AVEN: variants seen among roughly 807,000 people sequenced by gnomAD.
AVEN encodes the protein cell death regulator Aven.
Under a neutral mutation model 38.1 loss-of-function variants are expected in AVEN, and 41 were observed. That is an observed-to-expected ratio of 1.08 (90% CI 0.84 to 1.40). The LOEUF (loss-of-function observed/expected upper bound fraction) is 1.40, where lower values mean the gene tolerates loss of function less well. AVEN is among the 40% of genes most tolerant of loss of function. The pLI is 0.00. For synonymous variants in AVEN, 206 were observed against 171.8 expected (o/e 1.20, Z -1.56); for missense variants, 605 against 438.8 (o/e 1.38, Z -3.38).
At chr15:33,938,684 A>G (rs16958366) in intron 2 of AVEN, among the ~76,000 whole-genome samples, 89,828 of 152,008 alleles carry the variant, frequency 0.59, 28,851 homozygotes, top group East Asian at 0.76. Flanking sequence ...TCAAAATGCC[A>G]AACTGGTCAA....
chr15:33,977,217 A>G (rs548005718), intron 2 of AVEN, among the ~76,000 whole-genome samples: 2 of 152,322 alleles, frequency 1.3e-5, no homozygotes, highest in South Asian at 4.1e-4. Flanking sequence ...AAAAAGCTGG[A>G]GTTCTTACAT....
At chr15:33,862,409 A>G (rs1223207806), downstream of AVEN, among the ~76,000 whole-genome samples, 1 of 150,706 alleles carries the variant, frequency 6.6e-6, no homozygotes. Context: ...GCTTTGCTGT[A>G]TTGCCCAGGC....
At chr15:34,036,350 C>T (rs1899124811) in intron 1 of AVEN, among the ~76,000 whole-genome samples, 2 of 151,964 alleles carry the variant, frequency 1.3e-5, no homozygotes, top group Admixed American at 1.3e-4. Flanking sequence ...ATGCAGTGGT[C>T]CAAAATAGAA....
Position 34,002,971 on chromosome 15 carries a change from T to C in AVEN, c.445+61A>G. On this transcript the variant is annotated intron_variant, in intron 2 of 5. Transcript: ENST00000306730. ...TATAAAAGTAGAATTTAAAAACATA[T>C]ATAAAATGTCTGTGCAACTTTCAGA... is the stretch of plus-strand genomic sequence containing the variant. 5 of 1,384,996 alleles carry C rather than the reference T, an allele frequency of 3.6e-6. No individual in the cohort carries two copies. In the South Asian group the frequency reaches 4.3e-5, roughly 12 times the overall value. 85.8% of individuals were successfully genotyped at this position (1,384,996 alleles called of 1,614,324 possible).
chr15:33,877,343 G>T (rs1299942849), intron 2 of AVEN, among the ~76,000 whole-genome samples: 1 of 152,212 alleles, frequency 6.6e-6, no homozygotes, highest in Non-Finnish European at 1.5e-5. Flanking sequence ...AAAAGAGGAT[G>T]AATTAAAAGG....
At chr15:33,898,466 C>A (rs184769430) in intron 2 of AVEN, among the ~76,000 whole-genome samples, 3 of 152,184 alleles carry the variant, frequency 2.0e-5, no homozygotes, top group African/African-American at 7.2e-5. Context: ...AGGGGAGGAG[C>A]TTCCCCTCAT....
intron 2 of AVEN, among the ~76,000 whole-genome samples, chr15:33,955,281 G>T (rs1263491948): frequency 6.6e-6 from 1 of 152,026 alleles, no homozygotes; most frequent in African/African-American, 2.4e-5. Context: ...AAAAAATCTA[G>T]ATAGCAACCA....
downstream of AVEN, chr15:33,857,953 C>A (rs370470086): frequency 1.3e-6 from 2 of 1,532,110 alleles, no homozygotes; most frequent in African/African-American, 1.6e-5. Context: ...CCACCCACTG[C>A]GGGGCCACCC....
chr15:34,020,735 A>G (rs970976277), intron 1 of AVEN, among the ~76,000 whole-genome samples: 3 of 152,242 alleles, frequency 2.0e-5, no homozygotes, highest in African/African-American at 7.2e-5. Context: ...CTTGTCATGA[A>G]AAGCTGTAAA....
chr15:33,952,218 G>C (rs1894778462), intron 2 of AVEN, among the ~76,000 whole-genome samples: 1 of 152,152 alleles, frequency 6.6e-6, no homozygotes, highest in Non-Finnish European at 1.5e-5. Flanking sequence ...AGATAAGTCA[G>C]CCTGTCTTCC....
At chr15:33,873,089 CTTTTCTTTTTTTTTT>C in intron 3 of AVEN, among the ~76,000 whole-genome samples, 1 of 138,176 alleles carries the variant, frequency 7.2e-6, no homozygotes, top group South Asian at 2.6e-4. Context: ...TCTACTTTTC[CTTTTCTTTTTTTTTT>C]TTTTTTTTTT....
chr15:33,858,172 C>G (rs1478357463), downstream of AVEN: 9 of 423,392 alleles, frequency 2.1e-5, no homozygotes, highest in Admixed American at 7.8e-5. Flanking sequence ...ACAGTGGCGT[C>G]ATCATTCATC....
downstream of AVEN, chr15:33,854,755 T>C: frequency 6.3e-7 from 1 of 1,591,468 alleles, no homozygotes; most frequent in Admixed American, 1.9e-5. Context: ...TCTGCTTTCT[T>C]CCATTCCCAG....
In AVEN at chr15:34,063,006, G is replaced by A. The variant is rs1188660374; in HGVS notation, n.1553C>T. On this transcript the variant is annotated non_coding_transcript_exon_variant, in exon 5 of 12. Coordinates refer to the AVEN transcript ENST00000675287. This position sits in a 1 kb window ranked among gnomAD's most constrained non-coding sequence, Gnocchi z 4.1. ...CACCTACATCCTCATGGGACGCTGG[G>A]CTCTCGGGAGTCTGGCTTGTGACCT... The A allele has an allele frequency of 3.1e-6, 5 of 1,614,072 alleles. No individual in the cohort carries two copies. The highest frequency in any genetic ancestry group is 3.4e-6 in the Non-Finnish European group (4 of 1,180,036).
chr15:33,873,382 G>C (rs1358070795), intron 3 of AVEN, among the ~76,000 whole-genome samples: 2 of 150,302 alleles, frequency 1.3e-5, no homozygotes, highest in South Asian at 2.1e-4. Context: ...TTATAGGCGT[G>C]AGCCACTGCG....
In AVEN at chr15:34,063,895, C is replaced by A. The variant is rs375883438; in HGVS notation, n.1127-463G>T. On this transcript the variant is annotated intron_variant and non_coding_transcript_variant, in intron 4 of 11. Transcript: ENST00000675287. The surrounding 1 kb of genome is among the most constrained non-coding windows in gnomAD (Gnocchi z 4.1). Reference sequence around the variant, plus strand: ...GTAAAAGCTGACGGGAACCAGGAGACCAACAATGGCTGTCACAAGGTGAAA... The same window carrying A: ...GTAAAAGCTGACGGGAACCAGGAGAACAACAATGGCTGTCACAAGGTGAAA... 6.2e-7 allele frequency: 1 copy of A among 1,614,212 alleles called. No homozygotes were observed. Among genetic ancestry groups the A allele is most frequent in the Admixed American group, 1.7e-5 (1 of 60,024 alleles).
At chr15:34,052,901 A>G (rs519774) in intron 5 of AVEN, among the ~76,000 whole-genome samples, 92,337 of 151,988 alleles carry the variant, frequency 0.61, 29,314 homozygotes, top group East Asian at 0.81. Context: ...AATGAATATC[A>G]TGAAAATAGT....
intron 4 of AVEN, 47 bp from the exon 5 acceptor site, chr15:33,867,902 T>C (rs1372216797): frequency 6.6e-7 from 1 of 1,521,800 alleles, no homozygotes; most frequent in Non-Finnish European, 8.8e-7. Flanking sequence ...AGTCTTGCCA[T>C]ATTGGCTTAA....
intron 2 of AVEN, among the ~76,000 whole-genome samples, chr15:33,939,535 G>A (rs1894232926): frequency 6.6e-6 from 1 of 152,220 alleles, no homozygotes; most frequent in African/African-American, 2.4e-5. Context: ...ATAGAGGGTT[G>A]CAAAGTGCAG....
Sources: gnomAD v4.1 joint callset for allele counts (sites outside exome capture counted in the v4.1 genomes callset) on GRCh38, gnomAD v4.1.1 for gene constraint, Gnocchi (gnomAD v3.1) non-coding constraint, MANE v1.5 for transcripts, NCBI Gene and HGNC (gene_info 2026-07-23, HGNC 2026-07-21) for gene names.